The following GNB4 variants were observed in gnomAD, a reference collection of about 807,000 sequenced individuals.
GNB4 encodes the protein G protein subunit beta 4.
A neutral mutation model predicts 45.2 loss-of-function variants in GNB4; 28 were observed. That is an observed-to-expected ratio of 0.62 (90% CI 0.46 to 0.85). The LOEUF is 0.85. Among genes scored for constraint, GNB4 ranks in the 40% least tolerant of loss-of-function variants. The pLI is 0.00. For synonymous variants in GNB4, 132 were observed against 143.7 expected (o/e 0.92, Z 0.58); for missense variants, 321 against 425.4 (o/e 0.75, Z 2.16).
In GNB4 at chr3:179,415,053, G is replaced by A. The variant is rs1714757488; in HGVS notation, c.268-6C>T. 1.3e-6 allele frequency: 2 copies of A among 1,572,316 alleles called. No individual in the cohort carries two copies. The highest frequency in any genetic ancestry group is 2.7e-5 in the African/African-American group (2 of 74,382). On this transcript the variant is annotated splice_region_variant and splice_polypyrimidine_tract_variant and intron_variant, in intron 5 of 9. Transcript: ENST00000232564. ...CTCAAAGGAATAGCATGCATCTGTA[G>A]GGCACACACCACACATCACTCAGAT...
At chr3:179,480,640 G>A in the GNB4 span, among the ~76,000 whole-genome samples, 1 of 151,988 alleles carries the variant, frequency 6.6e-6, no homozygotes, top group Admixed American at 6.6e-5. Flanking sequence ...CAACTACAGA[G>A]GGGTTTTTGT....
At chr3:179,492,603 C>G in the GNB4 span, among the ~76,000 whole-genome samples, 1 of 152,124 alleles carries the variant, frequency 6.6e-6, no homozygotes, top group Non-Finnish European at 1.5e-5. Context: ...GGTACATACC[C>G]AAGCCTAGTA....
chr3:179,426,148 ATCTGATTCCGCAGTTGT>A lies in GNB4; in HGVS notation c.36_52del (p.Glu12AspfsTer9). ...TTTGAAATGAAAAGGTTTTACCTGA[ATCTGATTCCGCAGTTGT>A]TCTGCTTCTTGCCTCAACTGTTCCA... On this transcript the variant is annotated frameshift_variant, in exon 2 of 10. Coordinates refer to ENST00000232564, the MANE Select transcript of GNB4 (RefSeq NM_021629.4). LOFTEE classifies it high-confidence loss of function. The A allele has an allele frequency of 6.3e-7, 1 of 1,599,226 alleles. No individual in the cohort carries two copies. Among genetic ancestry groups the A allele is most frequent in the South Asian group, 1.1e-5 (1 of 87,246 alleles).
chr3:179,498,509 T>C, the GNB4 span, among the ~76,000 whole-genome samples: 1 of 152,202 alleles, frequency 6.6e-6, no homozygotes, highest in Non-Finnish European at 1.5e-5. Context: ...CGATCTCGGC[T>C]CACTGCAACC....
chr3:179,444,366 A>T lies in GNB4; in HGVS notation c.-43+6980T>A, dbSNP rs1387436245. 2.6e-5 allele frequency among the ~76,000 whole-genome samples: 4 copies of T among 151,760 alleles called. No individual in the cohort carries two copies. The South Asian group carries it at 8.3e-4, about 32-fold the overall frequency. On this transcript the variant is annotated intron_variant, in intron 1 of 9. Coordinates refer to ENST00000232564, the MANE Select transcript of GNB4 (RefSeq NM_021629.4). ...CTAATATCTAAGTTTAAAATTTTTA[A>T]TTACTAAGTTTTTTGTTTTTTAGAC...
At chr3:179,426,942 A>G (rs1715162541) in intron 1 of GNB4, among the ~76,000 whole-genome samples, 1 of 151,944 alleles carries the variant, frequency 6.6e-6, no homozygotes, top group African/African-American at 2.4e-5. Flanking sequence ...CCACTCCACT[A>G]AACTCTATCT....
chr3:179,445,441 C>T (rs769174274), intron 1 of GNB4, among the ~76,000 whole-genome samples: 3 of 152,084 alleles, frequency 2.0e-5, no homozygotes, highest in African/African-American at 4.8e-5. Flanking sequence ...TACACCACCA[C>T]GCTTGGCTAA....
intron 8 of GNB4, among the ~76,000 whole-genome samples, chr3:179,408,695 G>C (rs1224358740): frequency 1.3e-5 from 2 of 151,990 alleles, no homozygotes; most frequent in Admixed American, 6.5e-5. Flanking sequence ...AGGAGGCTGA[G>C]GCAAGAGAAT....
At chr3:179,407,775 A>AG (rs1330645460) in intron 8 of GNB4, among the ~76,000 whole-genome samples, 2 of 74,102 alleles carry the variant, frequency 2.7e-5, no homozygotes, top group Non-Finnish European at 5.1e-5. Context: ...CAAGCTGCAA[A>AG]AGACACCCAA....
the GNB4 span, among the ~76,000 whole-genome samples, chr3:179,508,930 G>GTATATATATATA: frequency 1.5e-3 from 71 of 47,066 alleles, no homozygotes; most frequent in East Asian, 0.031. Context: ...CTTTCAGCAT[G>GTATATATATATA]TGTATATATA....
At position 179,401,102 on chromosome 3, in the gene GNB4, C is replaced by G. The variant is rs1714283948; in HGVS notation, c.*111G>C. 3.2e-6 allele frequency: 2 copies of G among 623,040 alleles called. No homozygotes were observed. The allele number at this position is 623,040 out of a possible 1,614,324, so 38.6% of individuals were successfully genotyped here. A position where few individuals can be genotyped will look rare whatever the true frequency, so the allele number is the denominator to read the frequency against. ...CTGAAAGCTTGTTTTTGTAGATAAT[C>G]TAATAGAAAAATCTTCACCTGCAAA... is the stretch of plus-strand genomic sequence containing the variant. On this transcript the variant is annotated 3_prime_UTR_variant, in exon 10 of 10. Transcript: ENST00000232564.
chr3:179,436,578 A>G (rs910279626), intron 1 of GNB4, among the ~76,000 whole-genome samples: 2 of 151,394 alleles, frequency 1.3e-5, no homozygotes, highest in East Asian at 1.9e-4. Context: ...ATCAGGTACA[A>G]TATTTAAAGC....
At chr3:179,525,748 G>C in the GNB4 span, among the ~76,000 whole-genome samples, 1 of 152,044 alleles carries the variant, frequency 6.6e-6, no homozygotes, top group South Asian at 2.1e-4. Flanking sequence ...AAAAGAACTG[G>C]AATTGGAAGG....
intron 8 of GNB4, among the ~76,000 whole-genome samples, chr3:179,413,207 T>C (rs892990768): frequency 6.6e-6 from 1 of 151,510 alleles, no homozygotes; most frequent in African/African-American, 2.4e-5. Context: ...CAAAAAAAAA[T>C]CCAACAATAA....
chr3:179,459,191 C>T, the GNB4 span, among the ~76,000 whole-genome samples: 2 of 152,214 alleles, frequency 1.3e-5, no homozygotes, highest in Admixed American at 6.5e-5. Context: ...TTCAAGTCCT[C>T]CAAGCTACCA....
chr3:179,483,903 C>CA, the GNB4 span, among the ~76,000 whole-genome samples: 1 of 152,068 alleles, frequency 6.6e-6, no homozygotes, highest in Non-Finnish European at 1.5e-5. Flanking sequence ...AATTTTATTA[C>CA]AATCAATATA....
At chr3:179,464,992 T>A in the GNB4 span, 3 of 1,532,488 alleles carry the variant, frequency 2.0e-6, no homozygotes, top group African/African-American at 2.7e-5. Context: ...TGCACACAGA[T>A]GGGGTGCATG....
At chr3:179,525,109 G>A in the GNB4 span, among the ~76,000 whole-genome samples, 62 of 152,228 alleles carry the variant, frequency 4.1e-4, no homozygotes, top group African/African-American at 1.4e-3. Flanking sequence ...GAAGGATATC[G>A]GGTGAGTCGC....
the GNB4 span, among the ~76,000 whole-genome samples, chr3:179,496,929 C>G: frequency 6.6e-6 from 1 of 152,078 alleles, no homozygotes; most frequent in Non-Finnish European, 1.5e-5. Flanking sequence ...ATCATTCTAT[C>G]ATATGATAGA....
Sources: allele counts gnomAD v4.1 joint callset (sites outside exome capture counted in the v4.1 genomes callset), GRCh38; gene constraint gnomAD v4.1.1; transcripts MANE v1.5; gene names NCBI Gene and HGNC (gene_info 2026-07-23, HGNC 2026-07-21).